PTGER3: variants seen among roughly 807,000 people sequenced by gnomAD.
PTGER3 encodes the protein prostaglandin E receptor 3.
PTGER3 carries 22 observed loss-of-function variants against 34.7 expected under a neutral mutation model. The ratio of observed to expected loss-of-function variants is 0.63; its 90% CI spans 0.45 to 0.91. The LOEUF (loss-of-function observed/expected upper bound fraction) is 0.91, where lower values mean the gene tolerates loss of function less well. Ranked by LOEUF, PTGER3 falls within the 40% of genes least tolerant of loss-of-function variation. The probability of loss-of-function intolerance (pLI) is 0.00; values close to 1 mark genes in which losing one functional copy is unlikely to be tolerated. For missense variants in PTGER3, 468 were observed against 519.4 expected (o/e 0.90, Z 0.96); for synonymous variants, 241 against 230.1 (o/e 1.05, Z -0.43).
rs559909314 is a variant in PTGER3, at chr1:70,933,710, G to A, written c.*23+20053C>T. 7.3e-4 allele frequency among the ~76,000 whole-genome samples: 111 copies of A among 152,290 alleles called. No homozygotes were observed. In the Middle Eastern group the frequency reaches 0.017, roughly 23 times the overall value. ...ATTTGTCCTCTGGCAAACACTGGGA[G>A]TGAAAGCGGTTATAATCACCTAGTT... On this transcript the variant is annotated intron_variant, in intron 4 of 4. Coordinates refer to the PTGER3 transcript ENST00000370931.
At chr1:71,020,992 C>T (rs1424931141) in intron 1 of PTGER3, among the ~76,000 whole-genome samples, 3 of 151,886 alleles carry the variant, frequency 2.0e-5, no homozygotes, top group African/African-American at 7.3e-5. Context: ...TATAGCATAC[C>T]TCTTCCCATG....
intron 2 of PTGER3, among the ~76,000 whole-genome samples, chr1:70,962,655 C>T (rs1489074247): frequency 6.6e-6 from 1 of 152,148 alleles, no homozygotes; most frequent in Non-Finnish European, 1.5e-5. Context: ...GAGACTTATT[C>T]ACCATGATGA....
At chr1:70,948,549 G>A (rs1021726012), downstream of PTGER3, among the ~76,000 whole-genome samples, 6 of 152,026 alleles carry the variant, frequency 3.9e-5, no homozygotes, top group Non-Finnish European at 2.9e-5. Context: ...ATTTGAAAAT[G>A]GCTGCATACC....
intron 1 of PTGER3, among the ~76,000 whole-genome samples, chr1:71,030,131 T>C (rs1659282305): frequency 6.6e-6 from 1 of 151,958 alleles, no homozygotes; most frequent in African/African-American, 2.4e-5. Context: ...GTAAGGATGC[T>C]GGGGTAGGGA....
Position 71,047,464 on chromosome 1 carries a change from C to G in PTGER3, c.114G>C (p.Thr38=), listed in dbSNP as rs377019908. 15 of 1,609,732 alleles carry G rather than the reference C, an allele frequency of 9.3e-6. No individual in the cohort carries two copies. The highest frequency in any genetic ancestry group is 1.2e-5 in the Non-Finnish European group (14 of 1,179,020). ...AATCCTCGCCAGACCCTGGAGGGCGCGTGAGGTTGCCCCGCGCCTCGGCGG... is the reference window on the plus strand; with the variant it reads ...AATCCTCGCCAGACCCTGGAGGGCGGGTGAGGTTGCCCCGCGCCTCGGCGG... ...ERSAEARGNL[T]RPPGSGEDCG... is the part of the protein sequence containing the mutation. Residue 38 remains threonine (T), a synonymous_variant, in exon 1 of 4, where the codon ACG becomes ACC. Coordinates refer to ENST00000306666, the MANE Select transcript of PTGER3 (RefSeq NM_198719.2).
In PTGER3 at chr1:71,047,653, C is replaced by G. The variant is rs1660986916; in HGVS notation, c.-76G>C. On this transcript the variant is annotated 5_prime_UTR_variant, in exon 1 of 4. Coordinates refer to ENST00000306666, the MANE Select transcript of PTGER3 (RefSeq NM_198719.2). The stretch of plus-strand genomic sequence containing the variant: ...GGGGCAGACGCGGCGCGGGCGGCGG[C>G]GGAGGTCGGCGTTTACCGCGGCTGG... The G allele has an allele frequency of 1.4e-6, 2 of 1,434,752 alleles. No individual in the cohort carries two copies. The highest frequency in any genetic ancestry group is 2.8e-5 in the Admixed American group (1 of 35,870). 88.9% of individuals were successfully genotyped at this position (1,434,752 alleles called of 1,614,324 possible).
intron 4 of PTGER3, among the ~76,000 whole-genome samples, chr1:70,874,809 T>C (rs1646240599): frequency 6.6e-6 from 1 of 152,096 alleles, no homozygotes; most frequent in African/African-American, 2.4e-5. Context: ...GTGTTCAGAA[T>C]AATTCATTTT....
intron 4 of PTGER3, among the ~76,000 whole-genome samples, chr1:70,885,381 G>A (rs1037735049): frequency 2.6e-5 from 4 of 151,998 alleles, no homozygotes; most frequent in African/African-American, 9.7e-5. Flanking sequence ...ATTAACCCAT[G>A]TATGTACATA....
At chr1:70,904,549 G>A (rs1646906244) in intron 4 of PTGER3, among the ~76,000 whole-genome samples, 2 of 152,182 alleles carry the variant, frequency 1.3e-5, no homozygotes, top group South Asian at 4.1e-4. Context: ...AACTTTTTGG[G>A]AACTGGAGCA....
At chr1:70,902,216 C>T (rs1386438741) in intron 4 of PTGER3, among the ~76,000 whole-genome samples, 2 of 152,098 alleles carry the variant, frequency 1.3e-5, no homozygotes, top group Non-Finnish European at 2.9e-5. Context: ...ACAAAGTTAT[C>T]AGTAGAATTT....
intron 2 of PTGER3, chr1:71,007,864 A>T (rs1657105071): frequency 2.0e-6 from 2 of 985,206 alleles, no homozygotes; most frequent in African/African-American, 3.5e-5. Flanking sequence ...TGCACAAATG[A>T]TAATAACTTG....
intron 2 of PTGER3, among the ~76,000 whole-genome samples, chr1:70,982,453 T>C (rs1356128667): frequency 1.3e-5 from 2 of 152,118 alleles, no homozygotes; most frequent in Non-Finnish European, 2.9e-5. Context: ...TCATCCAGCA[T>C]CTAGTGTATG....
chr1:70,954,361 C>T (rs1171131853), intron 2 of PTGER3, among the ~76,000 whole-genome samples: 1 of 152,112 alleles, frequency 6.6e-6, no homozygotes, highest in African/African-American at 2.4e-5. Context: ...TTTTGTGAAG[C>T]TGTCCAGATC....
At chr1:70,918,318 C>T (rs1219185878) in intron 4 of PTGER3, among the ~76,000 whole-genome samples, 3 of 151,916 alleles carry the variant, frequency 2.0e-5, no homozygotes, top group Non-Finnish European at 4.4e-5. Context: ...AGGAGAAATG[C>T]TTCATGAAAT....
At chr1:70,994,318 G>A (rs924395262) in intron 2 of PTGER3, among the ~76,000 whole-genome samples, 3 of 152,178 alleles carry the variant, frequency 2.0e-5, no homozygotes, top group African/African-American at 7.2e-5. Flanking sequence ...TTACCGGGAT[G>A]GAAAAAGAGG....
At chr1:70,869,067 C>T (rs1383750436) in intron 4 of PTGER3, among the ~76,000 whole-genome samples, 1 of 152,174 alleles carries the variant, frequency 6.6e-6, no homozygotes. Flanking sequence ...GCCAGTCTCA[C>T]GTATTACAGC....
chr1:70,852,676 A>C, exon 5 of PTGER3: 1 of 804,606 alleles, frequency 1.2e-6, no homozygotes, highest in East Asian at 2.4e-5. Flanking sequence ...GTATGGAAAC[A>C]GGACATAACA....
intron 4 of PTGER3, among the ~76,000 whole-genome samples, chr1:70,884,878 ATG>A (rs2100233155): frequency 6.6e-6 from 1 of 152,282 alleles, no homozygotes; most frequent in African/African-American, 2.4e-5. Context: ...GTGTCTTTCT[ATG>A]TAAAGGAACT....
chr1:70,951,335 G>A (rs1650742521), downstream of PTGER3: 1 of 152,140 alleles, frequency 6.6e-6, no homozygotes, highest in South Asian at 2.1e-4. Context: ...ACAAACACTT[G>A]TTTGCTGATT....
Sources: gnomAD v4.1 joint callset for allele counts (sites outside exome capture counted in the v4.1 genomes callset) on GRCh38, gnomAD v4.1.1 for gene constraint, MANE v1.5 for transcripts, NCBI Gene and HGNC (gene_info 2026-07-23, HGNC 2026-07-21) for gene names.